Variants in GPAT4 observed in about 807,000 individuals in gnomAD.
The protein encoded by GPAT4 is 1-AGP acyltransferase 6.
GPAT4 carries 17 observed loss-of-function variants against 58.0 expected under a neutral mutation model. The observed-to-expected ratio is 0.29, with a 90% CI of 0.20 to 0.44. The LOEUF is 0.44. Ranked by LOEUF, GPAT4 falls within the 20% of genes least tolerant of loss-of-function variation. The pLI, the probability that GPAT4 is intolerant of heterozygous loss-of-function variation, is 1.00. For missense variants in GPAT4, 377 were observed against 574.5 expected, an observed-to-expected ratio of 0.66 and a Z score of 3.51; for synonymous variants, 204 against 210.1, an observed-to-expected ratio of 0.97 and a Z score of 0.25.
At chr8:41,579,276 G>A (rs1251240950) in intron 1 of GPAT4, among the ~76,000 whole-genome samples, 2 of 152,174 alleles carry the variant, frequency 1.3e-5, no homozygotes, top group African/African-American at 4.8e-5. Flanking sequence ...GCATGTACTT[G>A]TTCTGGCCTC....
intron 1 of GPAT4, among the ~76,000 whole-genome samples, chr8:41,596,252 A>T (rs1416372580): frequency 6.6e-6 from 1 of 151,906 alleles, no homozygotes; most frequent in Non-Finnish European, 1.5e-5. Flanking sequence ...CACCACGCTC[A>T]CCCCACACAC....
At chr8:41,609,063 G>A (rs1472361963) in intron 2 of GPAT4, among the ~76,000 whole-genome samples, 1 of 152,236 alleles carries the variant, frequency 6.6e-6, no homozygotes, top group African/African-American at 2.4e-5. Context: ...GTTTTGAGTA[G>A]CTGCCGTGCG....
At chr8:41,605,996 G>A (rs1291252237) in intron 2 of GPAT4, among the ~76,000 whole-genome samples, 1 of 152,212 alleles carries the variant, frequency 6.6e-6, no homozygotes, top group African/African-American at 2.4e-5. Context: ...CATGAACCAC[G>A]AGGCAGCTGG....
At chr8:41,578,599 C>G (rs1802426762) in intron 1 of GPAT4, 2 of 152,254 alleles carry the variant, frequency 1.3e-5, no homozygotes, top group Non-Finnish European at 2.9e-5. Context: ...AGCCCTCCCG[C>G]CCCGGGAGTC....
chr8:41,609,277 T>A (rs560717317), intron 2 of GPAT4, 139 bp from the exon 3 acceptor site: 2 of 888,970 alleles, frequency 2.2e-6, no homozygotes, highest in South Asian at 3.1e-5. Flanking sequence ...TGGTTTGAGT[T>A]TCCTTCTAGA....
chr8:41,621,060 T>C lies in GPAT4; in HGVS notation c.*59T>C. The C allele has an allele frequency of 6.5e-7, 1 of 1,545,082 alleles. No homozygotes were observed. The highest frequency in any genetic ancestry group is 8.7e-7 in the Non-Finnish European group (1 of 1,144,178). On this transcript the variant is annotated 3_prime_UTR_variant, in exon 13 of 13. Transcript: ENST00000396987. ...GGTGCCAACGGGCTCAGAGCTGGAGTTGCCGCCGCCGCCCCCACTGCTGTG... is the reference window on the plus strand; with the variant it reads ...GGTGCCAACGGGCTCAGAGCTGGAGCTGCCGCCGCCGCCCCCACTGCTGTG...
Position 41,609,910 on chromosome 8 carries a change from G to C in GPAT4, c.491G>C (p.Trp164Ser). 6.2e-7 allele frequency: 1 copy of C among 1,613,962 alleles called. No individual in the cohort carries two copies. Among genetic ancestry groups the C allele is most frequent in the Non-Finnish European group, 8.5e-7 (1 of 1,179,886 alleles). ...QYISLRLTVLWGLGVLIRYCF... is the reference protein window; with the variant it reads ...QYISLRLTVLSGLGVLIRYCF... ...ATCAGCCTTCGGCTCACGGTCCTGT[G>C]GGGGTTAGGAGTGCTGATTCGGTAC... Residue 164 changes from tryptophan (W) to serine (S), a missense_variant, in exon 4 of 13, where the codon TGG becomes TCG. Transcript: ENST00000396987.
rs1253297594 is a variant in GPAT4, at chr8:41,621,268, A to G, written c.*267A>G. 2 of 491,498 alleles carry G rather than the reference A, an allele frequency of 4.1e-6. No individual in the cohort carries two copies. The highest frequency in any genetic ancestry group is 3.9e-5 in the African/African-American group (2 of 51,594). The allele number at this position is 491,498 out of a possible 1,614,324, so 30.4% of individuals were successfully genotyped here. A position where few individuals can be genotyped will look rare whatever the true frequency, so the allele number is the denominator to read the frequency against. On this transcript the variant is annotated 3_prime_UTR_variant, in exon 13 of 13. Transcript: ENST00000396987. ...TCTTTTACAATAAGTCGTTGGAGGA[A>G]TGCCATTAAAGTGAACTCCCCACCT...
At chr8:41,590,470 T>G (rs1300700727) in intron 1 of GPAT4, among the ~76,000 whole-genome samples, 2 of 152,256 alleles carry the variant, frequency 1.3e-5, no homozygotes, top group African/African-American at 4.8e-5. Flanking sequence ...AATGCTCTTG[T>G]CCTGCTTCCA....
chr8:41,609,357 T>C (rs1039744315), intron 2 of GPAT4, 59 bp from the exon 3 acceptor site: 40 of 1,517,416 alleles, frequency 2.6e-5, no homozygotes, highest in Middle Eastern at 1.7e-4. Flanking sequence ...ATGGAGGTGT[T>C]CACTGATTGA....
Position 41,617,077 on chromosome 8 carries a change from C to T in GPAT4, c.1054-1607C>T, listed in dbSNP as rs1392433207. 2.6e-5 allele frequency among the ~76,000 whole-genome samples: 4 copies of T among 152,156 alleles called. 1 individual carries two copies. The highest frequency in any genetic ancestry group is 2.0e-4 in the Admixed American group (3 of 15,256). On this transcript the variant is annotated intron_variant, in intron 10 of 12. Coordinates refer to ENST00000396987, the MANE Select transcript of GPAT4 (RefSeq NM_178819.4). ...TATCAGGCTTTATAAAATACAACGA[C>T]ATGACCAGATGCAGTGGTTCACGCC...
intron 2 of GPAT4, among the ~76,000 whole-genome samples, chr8:41,600,053 TTC>T (rs1491576160): frequency 3.4e-5 from 5 of 146,392 alleles, no homozygotes; most frequent in African/African-American, 5.1e-5. Context: ...TTTTTTTTTT[TTC>T]GAGACAAGAG....
At chr8:41,592,729 T>C (rs1012574923) in intron 1 of GPAT4, among the ~76,000 whole-genome samples, 5 of 152,204 alleles carry the variant, frequency 3.3e-5, no homozygotes, top group Admixed American at 2.6e-4. Context: ...TAGTTCATCA[T>C]AGAAAGTTTG....
rs199941673 is a variant in GPAT4, at chr8:41,609,950, G to A, written c.531G>A (p.Pro177=). ...GVLIRYCFLL[P]LRIALAFTGI... ...TGATTCGGTACTGCTTTCTGCTGCCGCTCAGGTGAGGCAGGGCCTGCGGGA... is the reference window on the plus strand; with the variant it reads ...TGATTCGGTACTGCTTTCTGCTGCCACTCAGGTGAGGCAGGGCCTGCGGGA... The change falls in exon 4 of 13, where the codon CCG becomes CCA. Residue 177 remains proline (P), a synonymous_variant. Coordinates refer to ENST00000396987, the MANE Select transcript of GPAT4 (RefSeq NM_178819.4). The A allele has an allele frequency of 6.1e-5, 97 of 1,601,242 alleles. 1 individual carries two copies. Among genetic ancestry groups the A allele is most frequent in the South Asian group, 5.7e-4 (51 of 89,134 alleles).
intron 2 of GPAT4, among the ~76,000 whole-genome samples, chr8:41,601,022 C>A (rs1803078410): frequency 6.6e-6 from 1 of 152,066 alleles, no homozygotes; most frequent in South Asian, 2.1e-4. Context: ...CATTGATGGA[C>A]AAGGATGGGC....
intron 1 of GPAT4, among the ~76,000 whole-genome samples, chr8:41,583,054 C>G (rs1166502063): frequency 1.3e-5 from 2 of 151,978 alleles, no homozygotes; most frequent in African/African-American, 4.8e-5. Flanking sequence ...GAAACCCCTT[C>G]TCCACTAAAA....
intron 2 of GPAT4, among the ~76,000 whole-genome samples, chr8:41,606,191 C>T (rs752631530): frequency 2.6e-5 from 4 of 152,130 alleles, no homozygotes; most frequent in South Asian, 2.1e-4. Context: ...GTGGGAACCC[C>T]GATTTATAGC....
chr8:41,592,497 G>A (rs1474821533), intron 1 of GPAT4, among the ~76,000 whole-genome samples: 2 of 152,102 alleles, frequency 1.3e-5, no homozygotes, highest in African/African-American at 4.8e-5. Flanking sequence ...AAAAATTGAG[G>A]CTTTTAGGAC....
chr8:41,618,550 G>A, intron 10 of GPAT4, 134 bp from the exon 11 acceptor site: 1 of 1,128,836 alleles, frequency 8.9e-7, no homozygotes, highest in Non-Finnish European at 1.3e-6. Context: ...GGCTTCCACA[G>A]TACTCATGCA....
Sources: allele counts gnomAD v4.1 joint callset (sites outside exome capture counted in the v4.1 genomes callset), GRCh38; gene constraint gnomAD v4.1.1; transcripts MANE v1.5; gene names NCBI Gene and HGNC (gene_info 2026-07-23, HGNC 2026-07-21).